ST8SIA5: variants seen among roughly 807,000 people sequenced by gnomAD.
ST8SIA5 encodes alpha-2,8-sialyltransferase 8E.
A neutral mutation model predicts 40.2 loss-of-function variants in ST8SIA5; 24 were observed. That is an observed-to-expected ratio of 0.60 (90% CI 0.43 to 0.84). ST8SIA5 has a LOEUF of 0.84. ST8SIA5 is among the 40% of genes least tolerant of loss of function. The pLI, the probability that ST8SIA5 is intolerant of heterozygous loss-of-function variation, is 0.00. For missense variants in ST8SIA5, 465 were observed against 498.5 expected, an observed-to-expected ratio of 0.93 and a Z score of 0.64; for synonymous variants, 198 against 201.8, an observed-to-expected ratio of 0.98 and a Z score of 0.16.
intron 4 of ST8SIA5, among the ~76,000 whole-genome samples, chr18:46,688,242 G>A (rs1195757325): frequency 6.6e-6 from 1 of 152,198 alleles, no homozygotes; most frequent in Admixed American, 6.5e-5. Flanking sequence ...TTAAGACTCT[G>A]ATATTTTAGA....
intron 1 of ST8SIA5, among the ~76,000 whole-genome samples, chr18:46,706,445 C>CTTAG (rs10522741): frequency 0.63 from 95,995 of 151,868 alleles, 32,242 homozygotes; most frequent in Middle Eastern, 0.76. Flanking sequence ...CTCACTGTCT[C>CTTAG]TTAGAGCAAA....
At chr18:46,753,974 T>C (rs553195695) in intron 1 of ST8SIA5, among the ~76,000 whole-genome samples, 11 of 152,080 alleles carry the variant, frequency 7.2e-5, no homozygotes, top group Non-Finnish European at 1.5e-5. Context: ...GGTCCTCCAG[T>C]TGGTTCTGAT....
In ST8SIA5 at chr18:46,753,585, A is replaced by G. The variant is rs565331303; in HGVS notation, c.131+2793T>C. 1.1e-4 allele frequency among the ~76,000 whole-genome samples: 17 copies of G among 152,110 alleles called. No homozygotes were observed. The East Asian group carries it at 1.4e-3, about 12-fold the overall frequency. On this transcript the variant is annotated intron_variant, in intron 1 of 6. Coordinates refer to ENST00000315087, the MANE Select transcript of ST8SIA5 (RefSeq NM_013305.6). The stretch of plus-strand genomic sequence containing the variant: ...GAGACTCCATCTCAGAAAAAAAAAA[A>G]AAAGAAAGAAAAAGAAAAAAGAGCA...
intron 1 of ST8SIA5, among the ~76,000 whole-genome samples, chr18:46,731,143 A>G (rs2039981468): frequency 6.6e-6 from 1 of 152,204 alleles, no homozygotes; most frequent in South Asian, 2.1e-4. Flanking sequence ...GGTTATGTCA[A>G]GGGGGAGATT....
rs115419054 is a variant in ST8SIA5 at position 46,682,762 on chromosome 18, C to A, written c.570-698G>T. On this transcript the variant is annotated intron_variant, in intron 5 of 6. Coordinates refer to ENST00000315087, the MANE Select transcript of ST8SIA5 (RefSeq NM_013305.6). Reference sequence around the variant, plus strand: ...TCATCACAAGGGTCTTTATAAGAGACGATGTGACAACCAGGGAGAGAGAAG... The same window carrying A: ...TCATCACAAGGGTCTTTATAAGAGAAGATGTGACAACCAGGGAGAGAGAAG... 2.8e-3 allele frequency among the ~76,000 whole-genome samples: 430 copies of A among 152,118 alleles called. 1 individual carries two copies. Among genetic ancestry groups the A allele is most frequent in the African/African-American group, 9.9e-3 (412 of 41,466 alleles).
intron 1 of ST8SIA5, among the ~76,000 whole-genome samples, chr18:46,738,484 G>C (rs1158701306): frequency 6.6e-6 from 1 of 152,170 alleles, no homozygotes; most frequent in Non-Finnish European, 1.5e-5. Context: ...TAAGTACAAA[G>C]TTAACGCCTG....
chr18:46,709,189 C>T (rs1356326040), intron 1 of ST8SIA5, among the ~76,000 whole-genome samples: 1 of 152,186 alleles, frequency 6.6e-6, no homozygotes, highest in African/African-American at 2.4e-5. Context: ...TATTAAGAGG[C>T]AGGGCCTTTG....
rs772328246 is a variant in ST8SIA5 at position 46,701,257 on chromosome 18, C to T, written c.224+3315G>A. Among the ~76,000 whole-genome samples the T allele has an allele frequency of 1.3e-5, 2 of 150,020 alleles. 1 individual carries two copies. Among genetic ancestry groups the T allele is most frequent in the Non-Finnish European group, 3.0e-5 (2 of 67,648 alleles). On this transcript the variant is annotated intron_variant, in intron 2 of 6. Coordinates refer to ENST00000315087, the MANE Select transcript of ST8SIA5 (RefSeq NM_013305.6). ...CCGGGTTCAAGCAATTCTCCTGCCT[C>T]AGCCTCCCGAGTAGCTGGGATTACA...
Position 46,673,662 on chromosome 18 carries a change from G to A in ST8SIA5, c.*6380C>T, listed in dbSNP as rs2039322333. The A allele has an allele frequency of 6.6e-6, 1 of 152,022 alleles. No homozygotes were observed. Among genetic ancestry groups the A allele is most frequent in the African/African-American group, 2.4e-5 (1 of 41,406 alleles). 9.4% of individuals were successfully genotyped at this position (152,022 alleles called of 1,614,324 possible). ...AAACCCATGTGATCTTCAAAGGGTA[G>A]ACTGTAGATCTATACTGTAGATCTA... On this transcript the variant is annotated 3_prime_UTR_variant, in exon 7 of 7. Coordinates refer to ENST00000315087, the MANE Select transcript of ST8SIA5 (RefSeq NM_013305.6).
chr18:46,739,832 C>T (rs903449858), intron 1 of ST8SIA5, among the ~76,000 whole-genome samples: 3 of 152,148 alleles, frequency 2.0e-5, no homozygotes, highest in African/African-American at 7.2e-5. Flanking sequence ...CCACCTTGCT[C>T]AAGGTTATGT....
rs1249878563 is a variant in ST8SIA5, at chr18:46,673,873, C to T, written c.*6169G>A. 6.6e-6 allele frequency: 1 copy of T among 152,432 alleles called. No homozygotes were observed. Among genetic ancestry groups the T allele is most frequent in the African/African-American group, 2.4e-5 (1 of 41,566 alleles). The allele number at this position is 152,432 out of a possible 1,614,324, so 9.4% of individuals were successfully genotyped here. A position where few individuals can be genotyped will look rare whatever the true frequency, so the allele number is the denominator to read the frequency against. On this transcript the variant is annotated 3_prime_UTR_variant, in exon 7 of 7. Coordinates refer to ENST00000315087, the MANE Select transcript of ST8SIA5 (RefSeq NM_013305.6). ...ACACCCTGGCCACTGGTGCACCCCT[C>T]GCCTGGCCTCACCTGACCCCTGAGC...
chr18:46,744,101 T>C (rs1017136906), intron 1 of ST8SIA5, among the ~76,000 whole-genome samples: 1 of 152,180 alleles, frequency 6.6e-6, no homozygotes, highest in African/African-American at 2.4e-5. Context: ...TACCAGCCAC[T>C]GCAAAAACAT....
chr18:46,685,115 T>A (rs1221799552), intron 5 of ST8SIA5, among the ~76,000 whole-genome samples: 1 of 152,144 alleles, frequency 6.6e-6, no homozygotes, highest in Non-Finnish European at 1.5e-5. Context: ...TTATCCCCAT[T>A]TTGCAGATGA....
Position 46,717,837 on chromosome 18 carries a change from A to G in ST8SIA5, c.132-13173T>C, listed in dbSNP as rs191873161. On this transcript the variant is annotated intron_variant, in intron 1 of 6. Coordinates refer to ENST00000315087, the MANE Select transcript of ST8SIA5 (RefSeq NM_013305.6). The stretch of plus-strand genomic sequence containing the variant: ...CCTTTACTATTTCCTCGCTTAATTC[A>G]TTTTTTTTTTTTACACAATTCACAT... Among the ~76,000 whole-genome samples, 986 of 146,816 alleles carry G rather than the reference A, an allele frequency of 6.7e-3. 10 individuals are homozygous for G. The highest frequency in any genetic ancestry group is 0.023 in the African/African-American group (913 of 40,392).
intron 1 of ST8SIA5, among the ~76,000 whole-genome samples, chr18:46,751,630 C>T (rs1449992836): frequency 6.6e-6 from 1 of 152,086 alleles, no homozygotes; most frequent in Admixed American, 6.6e-5. Context: ...CCCCTGACCT[C>T]ATGATCCACC....
chr18:46,680,092 G>A lies in ST8SIA5; in HGVS notation c.1081C>T (p.His361Tyr). The change falls in exon 7 of 7, where the codon CAC becomes TAC. Residue 361 changes from histidine (H) to tyrosine (Y), a missense_variant. Transcript: ENST00000315087. ...TGCACGCGGAGGATGCCTCGGCTGT[G>A]CAAGTGCAGGAAGTTGAAGATCTCA... The part of the protein sequence containing the change: ...PSEIFNFLHL[H>Y]SRGILRVHTG... 2 of 1,614,084 alleles carry A rather than the reference G, an allele frequency of 1.2e-6. No individual in the cohort carries two copies. Among genetic ancestry groups the A allele is most frequent in the Non-Finnish European group, 1.7e-6 (2 of 1,180,020 alleles).
intron 1 of ST8SIA5, among the ~76,000 whole-genome samples, chr18:46,745,235 T>C (rs1362258450): frequency 6.6e-6 from 1 of 151,648 alleles, no homozygotes; most frequent in African/African-American, 2.4e-5. Flanking sequence ...CTGAAGGAGA[T>C]AGAGACACAA....
At chr18:46,680,681 G>A (rs1018511330) in intron 6 of ST8SIA5, among the ~76,000 whole-genome samples, 171 bp from the exon 7 acceptor site, 2 of 152,174 alleles carry the variant, frequency 1.3e-5, no homozygotes, top group Admixed American at 6.6e-5. Flanking sequence ...CTCTCTCAGG[G>A]GCAGTTGAGT....
chr18:46,689,748 T>C (rs2039485876), intron 3 of ST8SIA5, among the ~76,000 whole-genome samples: 1 of 150,214 alleles, frequency 6.7e-6, no homozygotes, highest in Non-Finnish European at 1.5e-5. Context: ...TAATTTTTTT[T>C]TTTTTTTTTT....
Sources: allele counts gnomAD v4.1 joint callset (sites outside exome capture counted in the v4.1 genomes callset), GRCh38; gene constraint gnomAD v4.1.1; transcripts MANE v1.5; gene names NCBI Gene and HGNC (gene_info 2026-07-23, HGNC 2026-07-21).